PLPPR1: variants seen among roughly 807,000 people sequenced by gnomAD.
PLPPR1 encodes the protein phospholipid phosphatase related 1.
Under a neutral mutation model 33.1 loss-of-function variants are expected in PLPPR1, and 10 were observed. That is an observed-to-expected ratio of 0.30 (90% CI 0.19 to 0.51). PLPPR1 has a LOEUF of 0.51. Ranked by LOEUF, PLPPR1 falls within the 20% of genes least tolerant of loss-of-function variation. The pLI is 0.97. For missense variants in PLPPR1, 304 were observed against 408.1 expected, an observed-to-expected ratio of 0.74 and a Z score of 2.20; for synonymous variants, 151 against 151.0, an observed-to-expected ratio of 1.00 and a Z score of 0.00.
intron 1 of PLPPR1, among the ~76,000 whole-genome samples, chr9:101,059,872 T>C (rs368054283): frequency 7.8e-4 from 118 of 152,218 alleles, no homozygotes; most frequent in African/African-American, 2.7e-3. Context: ...AATGAGAATG[T>C]AAATTAGTAC....
intron 1 of PLPPR1, among the ~76,000 whole-genome samples, chr9:101,124,579 G>T (rs1831221616): frequency 6.6e-6 from 1 of 152,040 alleles, no homozygotes; most frequent in Non-Finnish European, 1.5e-5. Flanking sequence ...AACATTTTTG[G>T]CTGTAGCCAG....
intron 1 of PLPPR1, among the ~76,000 whole-genome samples, chr9:101,041,076 A>T (rs551253501): frequency 1.3e-5 from 2 of 152,170 alleles, no homozygotes; most frequent in South Asian, 2.1e-4. Context: ...ATGGTCCCCA[A>T]TGTAGGGGCT....
At chr9:101,174,130 C>G (rs1443487050) in intron 1 of PLPPR1, among the ~76,000 whole-genome samples, 1 of 152,030 alleles carries the variant, frequency 6.6e-6, no homozygotes, top group African/African-American at 2.4e-5. Context: ...GCATTCTAGC[C>G]TGGGCAACAG....
Position 101,155,749 on chromosome 9 carries a change from G to A in PLPPR1, c.-45-29701G>A, listed in dbSNP as rs375137705. ...CAAGTAGCTGGGATTACAGGCATGC[G>A]CCACCACACCTAGCTAATTTTTGTA... On this transcript the variant is annotated intron_variant, in intron 1 of 7. Transcript: ENST00000374874. 2.9e-3 allele frequency among the ~76,000 whole-genome samples: 443 copies of A among 152,090 alleles called. 19 individuals carry two copies. The South Asian group carries it at 0.086, about 30-fold the overall frequency.
intron 1 of PLPPR1, among the ~76,000 whole-genome samples, chr9:101,074,175 G>A (rs1830511232): frequency 6.6e-6 from 1 of 152,082 alleles, no homozygotes; most frequent in East Asian, 1.9e-4. Context: ...TGTCTTTGTG[G>A]ATCAATAACA....
At chr9:101,071,315 C>T (rs1385267777) in intron 1 of PLPPR1, among the ~76,000 whole-genome samples, 1 of 151,524 alleles carries the variant, frequency 6.6e-6, no homozygotes, top group Non-Finnish European at 1.5e-5. Flanking sequence ...TGAGGAAGAA[C>T]AGATATTTGG....
At chr9:101,303,418 C>T (rs1199172651) in intron 4 of PLPPR1, among the ~76,000 whole-genome samples, 1 of 152,212 alleles carries the variant, frequency 6.6e-6, no homozygotes, top group African/African-American at 2.4e-5. Context: ...TCTCCTGTCT[C>T]AGCCTCCTGA....
chr9:101,030,091 C>T (rs2118392007), intron 1 of PLPPR1, among the ~76,000 whole-genome samples: 1 of 152,032 alleles, frequency 6.6e-6, no homozygotes, highest in African/African-American at 2.4e-5. Context: ...TTCGGCCCGA[C>T]GGAAAAGGTC....
intron 1 of PLPPR1, among the ~76,000 whole-genome samples, chr9:101,178,448 G>T (rs1017465146): frequency 6.6e-6 from 1 of 152,118 alleles, no homozygotes; most frequent in Non-Finnish European, 1.5e-5. Flanking sequence ...TCCAGATATG[G>T]GTTTGCCTAT....
chr9:101,304,685 C>T (rs1417916330), intron 4 of PLPPR1, among the ~76,000 whole-genome samples: 1 of 152,184 alleles, frequency 6.6e-6, no homozygotes, highest in Admixed American at 6.5e-5. Flanking sequence ...AGAAGTGTGA[C>T]TTGCTCTTGG....
At chr9:101,247,594 T>C (rs1056932004) in intron 2 of PLPPR1, among the ~76,000 whole-genome samples, 1 of 152,078 alleles carries the variant, frequency 6.6e-6, no homozygotes, top group African/African-American at 2.4e-5. Flanking sequence ...GGTAGTAGTC[T>C]GGTATTACCA....
At chr9:101,242,853 C>T (rs930328014) in intron 2 of PLPPR1, among the ~76,000 whole-genome samples, 1 of 152,034 alleles carries the variant, frequency 6.6e-6, no homozygotes, top group African/African-American at 2.4e-5. Context: ...GAGGAGCTCA[C>T]AGTTTAATGG....
intron 2 of PLPPR1, among the ~76,000 whole-genome samples, chr9:101,255,943 C>A (rs1020883757): frequency 3.9e-5 from 6 of 152,140 alleles, no homozygotes; most frequent in Non-Finnish European, 8.8e-5. Flanking sequence ...ATCCTAGTGT[C>A]TTGGGAATTT....
chr9:101,296,024 A>C (rs1445492219), intron 4 of PLPPR1, among the ~76,000 whole-genome samples: 1 of 151,890 alleles, frequency 6.6e-6, no homozygotes, highest in African/African-American at 2.4e-5. Flanking sequence ...CAACCTATAA[A>C]ATGGGAGAAA....
chr9:101,318,728 C>G (rs1451299014), intron 7 of PLPPR1, among the ~76,000 whole-genome samples: 1 of 151,832 alleles, frequency 6.6e-6, no homozygotes, highest in Admixed American at 6.6e-5. Flanking sequence ...GTGCTGTGAT[C>G]GCGCCACTGC....
At chr9:101,048,787 G>A (rs1830182888) in intron 1 of PLPPR1, among the ~76,000 whole-genome samples, 1 of 152,138 alleles carries the variant, frequency 6.6e-6, no homozygotes, top group South Asian at 2.1e-4. Context: ...TCTACAGGGT[G>A]GCTATCCACT....
intron 2 of PLPPR1, among the ~76,000 whole-genome samples, chr9:101,268,754 G>A (rs1200609157): frequency 6.6e-6 from 1 of 152,088 alleles, no homozygotes; most frequent in East Asian, 1.9e-4. Context: ...TTAAGCCATA[G>A]ATATCTAAAG....
chr9:101,129,204 G>A (rs899330023), intron 1 of PLPPR1, among the ~76,000 whole-genome samples: 3 of 151,966 alleles, frequency 2.0e-5, no homozygotes. Flanking sequence ...TAAAATTTAA[G>A]ACTGCCTATA....
At chr9:101,240,813 T>C (rs1827449194) in intron 2 of PLPPR1, among the ~76,000 whole-genome samples, 1 of 152,094 alleles carries the variant, frequency 6.6e-6, no homozygotes, top group South Asian at 2.1e-4. Context: ...TAAATGCTTG[T>C]CATTCCATTG....
Sources: allele counts gnomAD v4.1 joint callset (sites outside exome capture counted in the v4.1 genomes callset), GRCh38; gene constraint gnomAD v4.1.1; transcripts MANE v1.5; gene names NCBI Gene and HGNC (gene_info 2026-07-23, HGNC 2026-07-21).